Variants in JAG2 observed in about 807,000 individuals in gnomAD.
The protein encoded by JAG2 is jagged canonical Notch ligand 2, also known as protein jagged-2.
A neutral mutation model predicts 141.7 loss-of-function variants in JAG2; 46 were observed. The ratio of observed to expected loss-of-function variants is 0.32; its 90% CI spans 0.26 to 0.42. JAG2 has a LOEUF of 0.42. JAG2 is among the 10% of genes least tolerant of loss of function. JAG2 has a pLI of 1.00. For synonymous variants in JAG2, 862 were observed against 763.5 expected (o/e 1.13, Z -2.13); for missense variants, 1,500 against 1,817.5 (o/e 0.83, Z 3.18).
Position 105,167,703 on chromosome 14 carries a change from CG to C in JAG2, c.417+53del. 2 of 1,371,234 alleles carry C rather than the reference CG, an allele frequency of 1.5e-6. No homozygotes were observed. The highest frequency in any genetic ancestry group is 1.9e-6 in the Non-Finnish European group (2 of 1,061,856). 84.9% of individuals were successfully genotyped at this position (1,371,234 alleles called of 1,614,324 possible). On this transcript the variant is annotated intron_variant, in intron 2 of 25. Transcript: ENST00000331782. The surrounding 1 kb of genome is among the most constrained non-coding windows in gnomAD (Gnocchi z 4.8). Reference sequence around the variant, plus strand: ...TTGGGGGTCGCGAAGCGCGCGGGGCCGGGGCGCGGAGAGAGAGGGAAGGGCT... The same window carrying C: ...TTGGGGGTCGCGAAGCGCGCGGGGCCGGGCGCGGAGAGAGAGGGAAGGGCT...
At position 105,168,775 on chromosome 14, in the gene JAG2, C is replaced by G. The variant is rs1889009420; in HGVS notation, c.-355G>C. Reference sequence around the variant, plus strand: ...CGCAGCCAACAAGTTCGGAACGAGACTGACAGCTCGCTCGCCCATTCGTCA... The same window carrying G: ...CGCAGCCAACAAGTTCGGAACGAGAGTGACAGCTCGCTCGCCCATTCGTCA... On this transcript the variant is annotated 5_prime_UTR_variant, in exon 1 of 26. Transcript: ENST00000331782. 1 of 173,946 alleles carries G rather than the reference C, an allele frequency of 5.7e-6. No homozygotes were observed. Among genetic ancestry groups the G allele is most frequent in the Non-Finnish European group, 1.2e-5 (1 of 83,630 alleles). 10.8% of individuals were successfully genotyped at this position (173,946 alleles called of 1,614,324 possible).
rs587635503 is a variant in JAG2 at position 105,148,279 on chromosome 14, A to G, written c.2134+47T>C. 2.3e-5 allele frequency: 36 copies of G among 1,584,074 alleles called. 1 individual carries two copies. The Middle Eastern group carries it at 5.0e-4, about 22-fold the overall frequency. ...AGGCAGGCCCCAGACCGCCAGGGCCAGGGTCCTGGGGGCAGCCCCAGGCGG... is the reference window on the plus strand; with the variant it reads ...AGGCAGGCCCCAGACCGCCAGGGCCGGGGTCCTGGGGGCAGCCCCAGGCGG... On this transcript the variant is annotated intron_variant, in intron 16 of 25. Coordinates refer to ENST00000331782, the MANE Select transcript of JAG2 (RefSeq NM_002226.5).
intron 2 of JAG2, among the ~76,000 whole-genome samples, chr14:105,164,385 C>G (rs1888848613): frequency 6.6e-6 from 1 of 152,210 alleles, no homozygotes; most frequent in African/African-American, 2.4e-5. Flanking sequence ...GATGCCCACC[C>G]AACACAGGAA....
rs1040427646 is a variant in JAG2, at chr14:105,158,975, G to A, written c.418-1212C>T. On this transcript the variant is annotated intron_variant, in intron 2 of 25. Transcript: ENST00000331782. ...AGCCCTTCCCTGGTCCTCACCCGCC[G>A]CCCACCCCACGCACGTCCCAGTGCC... is the stretch of plus-strand genomic sequence containing the variant. Among the ~76,000 whole-genome samples the A allele has an allele frequency of 5.3e-5, 8 of 151,492 alleles. 1 individual carries two copies. The highest frequency in any genetic ancestry group is 7.3e-5 in the African/African-American group (3 of 41,112).
intron 15 of JAG2, 60 bp from the exon 16 acceptor site, chr14:105,148,499 C>A: frequency 7.5e-6 from 6 of 801,260 alleles, no homozygotes; most frequent in Non-Finnish European, 1.0e-5. Flanking sequence ...GAGGGCTTCC[C>A]GGGGGAGGAA....
chr14:105,149,344 A>G, intron 12 of JAG2, 24 bp from the exon 13 acceptor site: 1 of 1,612,418 alleles, frequency 6.2e-7, no homozygotes, highest in Middle Eastern at 1.7e-4. Flanking sequence ...GGTGCCTGTG[A>G]GAGCCTAGGC....
Position 105,167,969 on chromosome 14 carries a change from T to A in JAG2, c.205A>T (p.Thr69Ser). 1.2e-6 allele frequency: 2 copies of A among 1,604,162 alleles called. No homozygotes were observed. Among genetic ancestry groups the A allele is most frequent in the South Asian group, 1.1e-5 (1 of 90,700 alleles). The change falls in exon 2 of 26, where the codon ACG becomes TCG. Residue 69 changes from threonine to serine, a missense_variant. Physicochemically the swap from Thr to Ser is moderately conservative, Grantham distance 58 (BLOSUM62 1). Around this residue, in one of 3 missense-constraint regions of JAG2, gnomAD observed 200 missense variants for 174.3 expected, o/e 1.15. Transcript: ENST00000331782. The surrounding 1 kb of genome is among the most constrained non-coding windows in gnomAD (Gnocchi z 4.8). ...TCCTTAAGGCACACGCGCACGTACG[T>A]GTCGCACTCGTCGTGGCCGCAGCCC... ...AGGCGHDECD[T>S]YVRVCLKEYQ...
At position 105,154,172 on chromosome 14, in the gene JAG2, C is replaced by T. The variant is rs1373842532; in HGVS notation, c.788+1390G>A. ...TCCCAACTCAGCTGGTTCCCAAACTCCCCGACTCCTCTCCAAAACGCCACG... is the reference window on the plus strand; with the variant it reads ...TCCCAACTCAGCTGGTTCCCAAACTTCCCGACTCCTCTCCAAAACGCCACG... On this transcript the variant is annotated intron_variant, in intron 5 of 25. Transcript: ENST00000331782. This position sits in a 1 kb window ranked among gnomAD's most constrained non-coding sequence, Gnocchi z 4.4. Among the ~76,000 whole-genome samples, 5 of 152,164 alleles carry T rather than the reference C, an allele frequency of 3.3e-5. No individual in the cohort carries two copies. Among genetic ancestry groups the T allele is most frequent in the African/African-American group, 7.2e-5 (3 of 41,428 alleles).
intron 2 of JAG2, among the ~76,000 whole-genome samples, chr14:105,158,918 C>T (rs1888652698): frequency 6.6e-6 from 1 of 152,056 alleles, no homozygotes; most frequent in South Asian, 2.1e-4. Context: ...GAAAACCACA[C>T]TTCCCCAGCA....
At position 105,142,945 on chromosome 14, in the gene JAG2, G is replaced by T; in HGVS notation, c.3467C>A (p.Pro1156Gln). 1 of 1,609,184 alleles carries T rather than the reference G, an allele frequency of 6.2e-7. No individual in the cohort carries two copies. The highest frequency in any genetic ancestry group is 8.5e-7 in the Non-Finnish European group (1 of 1,178,020). The part of the protein sequence containing the change: ...DVLYQCKNFT[P>Q]PPRRADEALP... ...CGCCTCGTCCGCCCTGCGCGGCGGC[G>T]GCGTGAAGTTCTTGCACTGGTAGAG... The change falls in exon 26 of 26, where the codon CCG becomes CAG. Residue 1156 changes from proline to glutamine, a missense_variant. Physicochemically the swap from Pro to Gln is moderately conservative, Grantham distance 76. Transcript: ENST00000331782.
intron 13 of JAG2, 25 bp downstream of exon 13, chr14:105,149,145 C>A (rs370004206): frequency 1.9e-6 from 3 of 1,607,346 alleles, no homozygotes; most frequent in East Asian, 2.2e-5. Context: ...CCACCTCCCC[C>A]ACCACCCCAT....
Position 105,148,728 on chromosome 14 carries a change from G to A in JAG2, c.2020+17C>T. 4.5e-6 allele frequency: 7 copies of A among 1,543,090 alleles called. No individual in the cohort carries two copies. In the South Asian group the frequency reaches 7.1e-5, roughly 16 times the overall value. On this transcript the variant is annotated intron_variant, in intron 15 of 25. Transcript: ENST00000331782. ...GGTGGAGGCACAGGCCGTGTGGGCG[G>A]GTGCTGGAACACTCACTGGTGTCGC...
intron 2 of JAG2, among the ~76,000 whole-genome samples, chr14:105,166,608 G>A (rs1470738098): frequency 2.0e-5 from 3 of 152,212 alleles, no homozygotes; most frequent in African/African-American, 7.2e-5. Context: ...AGGAAGCGGT[G>A]AGGATGGGGG....
chr14:105,146,246 C>T (rs1252174105), intron 22 of JAG2, 139 bp downstream of exon 22: 18 of 843,096 alleles, frequency 2.1e-5, no homozygotes, highest in Non-Finnish European at 2.7e-5. Context: ...GCTGAGCTCT[C>T]GCCTCCCTGG....
Position 105,145,905 on chromosome 14 carries a change from C to A in JAG2, c.2778G>T (p.Leu926=). The A allele has an allele frequency of 6.4e-7, 1 of 1,568,410 alleles. No individual in the cohort carries two copies. The highest frequency in any genetic ancestry group is 2.4e-5 in the East Asian group (1 of 42,060). The change falls in exon 23 of 26, where the codon CTG becomes CTT. Residue 926 remains leucine, a synonymous_variant. Transcript: ENST00000331782. ...GGGCCTTCTCCAGGCACCTTTGCCC[C>A]AGTGGGCACTGGGCGCTCAGGGCCT... ...QPEALSAQCP[L]GQRCLEKAPG...
In JAG2 at chr14:105,167,677, G is replaced by A. The variant is rs1888961243; in HGVS notation, c.417+80C>T. ...CTCGCACGCAGACCCGGCCGCAGGT[G>A]TTGGGGGTCGCGAAGCGCGCGGGGC... is the stretch of plus-strand genomic sequence containing the variant. On this transcript the variant is annotated intron_variant, in intron 2 of 25. Transcript: ENST00000331782. The surrounding 1 kb of genome is among the most constrained non-coding windows in gnomAD (Gnocchi z 4.8). 2.3e-6 allele frequency: 3 copies of A among 1,303,320 alleles called. No homozygotes were observed. The highest frequency in any genetic ancestry group is 3.8e-5 in the Admixed American group (1 of 26,090). 80.7% of individuals were successfully genotyped at this position (1,303,320 alleles called of 1,614,324 possible). A position where few individuals can be genotyped will look rare whatever the true frequency, so the allele number is the denominator to read the frequency against.
rs1483145183 is a variant in JAG2, at chr14:105,154,943, A to T, written c.788+619T>A. Among the ~76,000 whole-genome samples the T allele has an allele frequency of 6.6e-6, 1 of 150,376 alleles. No homozygotes were observed. ...CTGGGCTCCACCCCAGGATGTCTGC[A>T]GGACCCGTGCGCCTCTCCCCCTTCC... On this transcript the variant is annotated intron_variant, in intron 5 of 25. Coordinates refer to ENST00000331782, the MANE Select transcript of JAG2 (RefSeq NM_002226.5). The surrounding 1 kb of genome is among the most constrained non-coding windows in gnomAD (Gnocchi z 4.4).
chr14:105,156,068 C>A, intron 3 of JAG2, 79 bp from the exon 4 acceptor site: 2 of 1,546,216 alleles, frequency 1.3e-6, no homozygotes, highest in Non-Finnish European at 8.7e-7. Flanking sequence ...GGGGACGGGG[C>A]AGAAGCCTGC....
At position 105,168,124 on chromosome 14, in the gene JAG2, G is replaced by A. The variant is rs777533005; in HGVS notation, c.67-17C>T. On this transcript the variant is annotated splice_polypyrimidine_tract_variant and intron_variant, in intron 1 of 25. Transcript: ENST00000331782. ...CCGCGCCGCCTAAAAATAAGGCAGC[G>A]GGAGAGCGGAGGGAGGCGCGGGCCG... is the stretch of plus-strand genomic sequence containing the variant. The A allele has an allele frequency of 4.0e-6, 6 of 1,516,530 alleles. No individual in the cohort carries two copies. The East Asian group carries it at 1.1e-4, about 28-fold the overall frequency. The allele number at this position is 1,516,530 out of a possible 1,614,324, so 93.9% of individuals were successfully genotyped here. A position where few individuals can be genotyped will look rare whatever the true frequency, so the allele number is the denominator to read the frequency against.
Sources: allele counts gnomAD v4.1 joint callset (sites outside exome capture counted in the v4.1 genomes callset), GRCh38; gene constraint gnomAD v4.1.1; regional missense constraint gnomAD v4.1.1; non-coding constraint Gnocchi (gnomAD v3.1); transcripts MANE v1.5; gene names NCBI Gene and HGNC (gene_info 2026-07-23, HGNC 2026-07-21).